Variants in RPH3AL observed in about 807,000 individuals in gnomAD.
RPH3AL encodes rab effector Noc2.
A neutral mutation model predicts 43.1 loss-of-function variants in RPH3AL; 38 were observed. That is an observed-to-expected ratio of 0.88 (90% CI 0.68 to 1.15). The LOEUF is 1.15. RPH3AL is among the 50% of genes most tolerant of loss of function. The pLI, the probability that RPH3AL is intolerant of heterozygous loss-of-function variation, is 0.00. For synonymous variants in RPH3AL, 189 were observed against 176.3 expected, an observed-to-expected ratio of 1.07 and a Z score of -0.57; for missense variants, 462 against 423.2, an observed-to-expected ratio of 1.09 and a Z score of -0.81.
chr17:332,062 G>A (rs1275508300), intron 2 of RPH3AL: 2 of 377,754 alleles, frequency 5.3e-6, no homozygotes, highest in African/African-American at 4.3e-5. Flanking sequence ...AGGAGGTTTT[G>A]TGGACATGGT....
intron 7 of RPH3AL, among the ~76,000 whole-genome samples, chr17:231,303 G>C (rs954607628): frequency 1.3e-5 from 2 of 152,222 alleles, no homozygotes; most frequent in Non-Finnish European, 2.9e-5. Flanking sequence ...TCAGAGCTTA[G>C]GTTTGGGGTG....
At chr17:321,212 C>A (rs950648716) in intron 4 of RPH3AL, 60 bp downstream of exon 4, 17 of 1,566,804 alleles carry the variant, frequency 1.1e-5, no homozygotes, top group Non-Finnish European at 1.5e-5. Context: ...TCCCAGTCCC[C>A]TGCGCTTGCG....
intron 1 of RPH3AL, among the ~76,000 whole-genome samples, chr17:336,998 C>T (rs370799740): frequency 7.9e-5 from 12 of 152,338 alleles, no homozygotes; most frequent in East Asian, 7.7e-4. Context: ...CCCGCATCCT[C>T]GGGGGCATTT....
intron 5 of RPH3AL, among the ~76,000 whole-genome samples, chr17:311,988 C>A (rs1466092287): frequency 2.6e-5 from 4 of 152,016 alleles, no homozygotes; most frequent in Non-Finnish European, 4.4e-5. Context: ...GGCCCTAATC[C>A]GATAGGACTA....
intron 5 of RPH3AL, 43 bp from the exon 6 acceptor site, chr17:281,897 T>A: frequency 6.7e-7 from 1 of 1,486,280 alleles, no homozygotes. Flanking sequence ...TGCAGCCGCT[T>A]CCTCCTCCGC....
At position 314,968 on chromosome 17, in the gene RPH3AL, C is replaced by A. The variant is rs1379452140; in HGVS notation, c.351+4452G>T. 6.4e-3 allele frequency among the ~76,000 whole-genome samples: 159 copies of A among 24,734 alleles called. 4 individuals carry two copies. Among genetic ancestry groups the A allele is most frequent in the African/African-American group, 0.024 (110 of 4,614 alleles). 16.2% of individuals were successfully genotyped at this position (24,734 alleles called of 152,430 possible). A position where few individuals can be genotyped will look rare whatever the true frequency, so the allele number is the denominator to read the frequency against. On this transcript the variant is annotated intron_variant, in intron 5 of 9. Coordinates refer to ENST00000331302, the MANE Select transcript of RPH3AL (RefSeq NM_006987.4). The stretch of plus-strand genomic sequence containing the variant: ...AGTCTCTGTGCTCCACCTCCATTGA[C>A]CAGTAGTCCCTGTGCCCCACCTCCA...
chr17:265,638 T>C (rs2042302644), intron 6 of RPH3AL, among the ~76,000 whole-genome samples: 1 of 152,232 alleles, frequency 6.6e-6, no homozygotes, highest in African/African-American at 2.4e-5. Flanking sequence ...AGGAATTAAG[T>C]TTAGAATAAC....
intron 6 of RPH3AL, among the ~76,000 whole-genome samples, chr17:253,910 C>G (rs76876393): frequency 5.0e-5 from 1 of 19,902 alleles, no homozygotes; most frequent in African/African-American, 2.3e-4. Context: ...TGAGGGGAGC[C>G]GCACGGCGTC....
Position 230,760 on chromosome 17 carries a change from A to G in RPH3AL, c.614-11024T>C, listed in dbSNP as rs140140432. Among the ~76,000 whole-genome samples, 450 of 152,294 alleles carry G rather than the reference A, an allele frequency of 3.0e-3. 2 individuals carry two copies. The highest frequency in any genetic ancestry group is 0.01 in the African/African-American group (429 of 41,560). ...GGGTGCAGGACGTGCTTTCGGGTGC[A>G]TCCTGACTCCAGCCTTTCTCTCCGT... On this transcript the variant is annotated intron_variant, in intron 7 of 9. Coordinates refer to ENST00000331302, the MANE Select transcript of RPH3AL (RefSeq NM_006987.4).
At chr17:267,261 C>T (rs1478733280) in intron 6 of RPH3AL, among the ~76,000 whole-genome samples, 2 of 152,240 alleles carry the variant, frequency 1.3e-5, no homozygotes, top group South Asian at 2.1e-4. Flanking sequence ...TCAACTGGCA[C>T]GCGGCATGAA....
chr17:218,965 T>G (rs574667510), intron 8 of RPH3AL, among the ~76,000 whole-genome samples: 55 of 152,176 alleles, frequency 3.6e-4, no homozygotes, highest in Middle Eastern at 3.4e-3. Flanking sequence ...CAGGTGGGCA[T>G]GGGAGGAGTC....
At chr17:296,897 G>A (rs2043194201) in intron 5 of RPH3AL, among the ~76,000 whole-genome samples, 1 of 152,198 alleles carries the variant, frequency 6.6e-6, no homozygotes, top group Non-Finnish European at 1.5e-5. Context: ...AGGCCTCTTG[G>A]GGGTCTCCAG....
At chr17:241,543 T>C (rs1041616608) in intron 7 of RPH3AL, among the ~76,000 whole-genome samples, 1 of 152,168 alleles carries the variant, frequency 6.6e-6, no homozygotes, top group Non-Finnish European at 1.5e-5. Flanking sequence ...GGGATGCTCC[T>C]GATACTCTTT....
At chr17:269,062 T>G (rs1567600804) in intron 6 of RPH3AL, among the ~76,000 whole-genome samples, 1 of 152,132 alleles carries the variant, frequency 6.6e-6, no homozygotes, top group Non-Finnish European at 1.5e-5. Context: ...GTATTTTTAG[T>G]AGAGACGGGG....
Position 225,584 on chromosome 17 carries a change from T to G in RPH3AL, c.614-5848A>C, listed in dbSNP as rs2041089614. 1.3e-5 allele frequency among the ~76,000 whole-genome samples: 2 copies of G among 152,170 alleles called. No individual in the cohort carries two copies. Among genetic ancestry groups the G allele is most frequent in the South Asian group, 4.1e-4 (2 of 4,830 alleles). On this transcript the variant is annotated intron_variant, in intron 7 of 9. Transcript: ENST00000331302. The surrounding 1 kb of genome is among the most constrained non-coding windows in gnomAD (Gnocchi z 4.4). Reference sequence around the variant, plus strand: ...GGCAGCTACAGTGAAATTAGAGGCCTGTGGCTCACACTTCCCGGGAGCAGG... The same window carrying G: ...GGCAGCTACAGTGAAATTAGAGGCCGGTGGCTCACACTTCCCGGGAGCAGG...
chr17:266,229 TGC>T (rs1555547958), intron 6 of RPH3AL, among the ~76,000 whole-genome samples: 1 of 151,770 alleles, frequency 6.6e-6, no homozygotes, highest in African/African-American at 2.4e-5. Flanking sequence ...TGTGTGTGTG[TGC>T]GTGCACCTGC....
intron 7 of RPH3AL, among the ~76,000 whole-genome samples, chr17:235,271 G>GGGGAGGCTCTGCACTAACAAGACGGGT (rs1567570736): frequency 1.4e-5 from 2 of 143,796 alleles, no homozygotes; most frequent in African/African-American, 5.2e-5. Flanking sequence ...GCTGGGGTCG[G>GGGGAGGCTCTGCACTAACAAGACGGGT]CCGAGGCTCT....
Position 264,343 on chromosome 17 carries a change from CGCGCTGG to C in RPH3AL, c.439-17065_439-17059del, listed in dbSNP as rs1567596892. 2.0e-4 allele frequency among the ~76,000 whole-genome samples: 11 copies of C among 54,560 alleles called. No individual in the cohort carries two copies. The highest frequency in any genetic ancestry group is 9.9e-4 in the South Asian group (1 of 1,012). The allele number at this position is 54,560 out of a possible 152,430, so 35.8% of individuals were successfully genotyped here. A position where few individuals can be genotyped will look rare whatever the true frequency, so the allele number is the denominator to read the frequency against. On this transcript the variant is annotated intron_variant, in intron 6 of 9. Transcript: ENST00000331302. The surrounding 1 kb of genome is among the most constrained non-coding windows in gnomAD (Gnocchi z 4.8). ...AGCAGGATTACCCTTCGGAGCCGTG[CGCGCTGG>C]ATGGGGACTCAGAATCCGCAGCACG...
chr17:276,333 G>T (rs973091163), intron 6 of RPH3AL, among the ~76,000 whole-genome samples: 1 of 152,156 alleles, frequency 6.6e-6, no homozygotes, highest in Non-Finnish European at 1.5e-5. Flanking sequence ...TTTCTCAAAG[G>T]TCTGGTTTGT....
Sources: allele counts gnomAD v4.1 joint callset (sites outside exome capture counted in the v4.1 genomes callset), GRCh38; gene constraint gnomAD v4.1.1; non-coding constraint Gnocchi (gnomAD v3.1); transcripts MANE v1.5; gene names NCBI Gene and HGNC (gene_info 2026-07-23, HGNC 2026-07-21).